The following AGMO variants were observed in gnomAD, a reference collection of about 807,000 sequenced individuals.
The protein encoded by AGMO is alkylglycerol monooxygenase.
In AGMO, 75 loss-of-function variants were observed where a neutral mutation model predicts 60.2. The observed-to-expected ratio is 1.25, with a 90% CI of 1.03 to 1.51. The LOEUF (loss-of-function observed/expected upper bound fraction) is 1.51. Ranked by LOEUF, AGMO falls within the 40% of genes most tolerant of loss-of-function variation. The probability of loss-of-function intolerance (pLI) is 0.00; values close to 1 mark genes in which losing one functional copy is unlikely to be tolerated. For missense variants in AGMO, 763 were observed against 525.5 expected (o/e 1.45, Z -4.42); for synonymous variants, 261 against 177.1 (o/e 1.47, Z -3.76).
chr7:15,452,245 G>A (rs536546587), intron 3 of AGMO, among the ~76,000 whole-genome samples: 5 of 151,896 alleles, frequency 3.3e-5, no homozygotes, highest in East Asian at 3.9e-4. Flanking sequence ...ATACTTCATC[G>A]AATTTTTAAA....
chr7:15,406,850 G>A (rs1784712841), intron 5 of AGMO, among the ~76,000 whole-genome samples: 2 of 114,582 alleles, frequency 1.7e-5, no homozygotes, highest in African/African-American at 6.9e-5. Flanking sequence ...ATATGTATAT[G>A]TGATCCTAAA....
the AGMO span, among the ~76,000 whole-genome samples, chr7:15,184,411 A>AGGAG: frequency 8.2e-6 from 1 of 122,514 alleles, no homozygotes; most frequent in African/African-American, 3.1e-5. Flanking sequence ...AAGAAAGGGA[A>AGGAG]GGAAGGAAGG....
chr7:15,303,708 G>T (rs1231003873), intron 12 of AGMO, among the ~76,000 whole-genome samples: 1 of 152,116 alleles, frequency 6.6e-6, no homozygotes, highest in African/African-American at 2.4e-5. Flanking sequence ...AGTGGAGCAT[G>T]GGGAACTTGA....
chr7:15,284,290 A>C (rs928807762), intron 12 of AGMO, among the ~76,000 whole-genome samples: 1 of 152,102 alleles, frequency 6.6e-6, no homozygotes, highest in Non-Finnish European at 1.5e-5. Flanking sequence ...ATGAAACATA[A>C]AGTTGCTTCT....
At chr7:15,398,076 T>G (rs894316003) in intron 5 of AGMO, among the ~76,000 whole-genome samples, 1 of 152,164 alleles carries the variant, frequency 6.6e-6, no homozygotes, top group Admixed American at 6.5e-5. Flanking sequence ...GAAAACCAGT[T>G]TACCCTTGTT....
At chr7:15,167,709 C>A in the AGMO span, among the ~76,000 whole-genome samples, 1 of 152,300 alleles carries the variant, frequency 6.6e-6, no homozygotes, top group South Asian at 2.1e-4. Flanking sequence ...TCAACTCAAG[C>A]AAGACATTTA....
In AGMO at chr7:15,491,481, A is replaced by G. The variant is rs76420601; in HGVS notation, c.409+53291T>C. On this transcript the variant is annotated intron_variant, in intron 3 of 12. Transcript: ENST00000342526. ...TTATTAAACCCTTAAATTTAAGTAT[A>G]GTACTTATTATGTGCCATACCACAA... is the stretch of plus-strand genomic sequence containing the variant. Among the ~76,000 whole-genome samples, 507 of 152,312 alleles carry G rather than the reference A, an allele frequency of 3.3e-3. 4 individuals are homozygous for G. Among genetic ancestry groups the G allele is most frequent in the African/African-American group, 0.011 (475 of 41,570 alleles).
At chr7:15,429,350 C>T (rs1481308499) in intron 4 of AGMO, among the ~76,000 whole-genome samples, 2 of 151,924 alleles carry the variant, frequency 1.3e-5, no homozygotes, top group Admixed American at 6.6e-5. Flanking sequence ...ACCAATATGC[C>T]TGGTATCCTC....
At chr7:15,265,890 C>A (rs963278207) in intron 12 of AGMO, among the ~76,000 whole-genome samples, 2 of 151,914 alleles carry the variant, frequency 1.3e-5, no homozygotes, top group Non-Finnish European at 2.9e-5. Context: ...GTATGTTCAC[C>A]AACAGATGAA....
At chr7:15,120,534 G>A in the AGMO span, among the ~76,000 whole-genome samples, 1 of 152,080 alleles carries the variant, frequency 6.6e-6, no homozygotes, top group Admixed American at 6.6e-5. Context: ...AGTGTCCTTA[G>A]AAGAAGGAAG....
chr7:15,255,266 A>G (rs775458994), intron 12 of AGMO, among the ~76,000 whole-genome samples: 4 of 152,164 alleles, frequency 2.6e-5, no homozygotes, highest in Non-Finnish European at 4.4e-5. Flanking sequence ...CATATAGGTG[A>G]AAGGTTGATG....
At chr7:15,373,702 TTC>T (rs1246407268) in intron 10 of AGMO, among the ~76,000 whole-genome samples, 1 of 152,124 alleles carries the variant, frequency 6.6e-6, no homozygotes, top group African/African-American at 2.4e-5. Context: ...TATGAAAAAA[TTC>T]TTTTTTTAAA....
intron 5 of AGMO, among the ~76,000 whole-genome samples, chr7:15,403,556 T>C (rs923566752): frequency 6.6e-6 from 1 of 152,000 alleles, no homozygotes; most frequent in Admixed American, 6.6e-5. Flanking sequence ...CATAAAAATA[T>C]GATTTTATAC....
intron 3 of AGMO, 39 bp from the exon 4 acceptor site, chr7:15,431,147 G>A (rs898248294): frequency 2.7e-6 from 4 of 1,464,486 alleles, no homozygotes; most frequent in East Asian, 4.5e-5. Flanking sequence ...ATGAGAATAA[G>A]AACAAAGCAA....
intron 3 of AGMO, among the ~76,000 whole-genome samples, chr7:15,511,431 T>C (rs938488573): frequency 2.0e-5 from 3 of 152,132 alleles, no homozygotes; most frequent in African/African-American, 7.2e-5. Flanking sequence ...CAACTTTCTT[T>C]GGGGACCTGC....
the AGMO span, among the ~76,000 whole-genome samples, chr7:15,129,475 G>A: frequency 3.9e-5 from 6 of 152,100 alleles, no homozygotes; most frequent in Admixed American, 3.3e-4. Context: ...AATAAGGAAA[G>A]GCAACTCATT....
At chr7:15,342,440 C>G (rs1781885600) in intron 12 of AGMO, among the ~76,000 whole-genome samples, 1 of 151,972 alleles carries the variant, frequency 6.6e-6, no homozygotes, top group Non-Finnish European at 1.5e-5. Flanking sequence ...AAATCCGGTG[C>G]TAATGACTTC....
the AGMO span, among the ~76,000 whole-genome samples, chr7:15,171,837 C>G: frequency 6.6e-6 from 1 of 152,092 alleles, no homozygotes; most frequent in Non-Finnish European, 1.5e-5. Context: ...GGGAAAGATT[C>G]ATGCCACAAA....
At chr7:15,134,619 C>A in the AGMO span, among the ~76,000 whole-genome samples, 1 of 152,098 alleles carries the variant, frequency 6.6e-6, no homozygotes, top group South Asian at 2.1e-4. Flanking sequence ...CATGTTGCTC[C>A]AAAGTACATG....
Sources: allele counts gnomAD v4.1 joint callset (sites outside exome capture counted in the v4.1 genomes callset), GRCh38; gene constraint gnomAD v4.1.1; transcripts MANE v1.5; gene names NCBI Gene and HGNC (gene_info 2026-07-23, HGNC 2026-07-21).